GALNT14: variants seen among roughly 807,000 people sequenced by gnomAD.
GALNT14 encodes UDP-GalNAc:polypeptide N-acetylgalactosaminyltransferase 14.
In GALNT14, 60 loss-of-function variants were observed where a neutral mutation model predicts 77.5. The observed-to-expected ratio is 0.77, with a 90% CI of 0.63 to 0.96. The LOEUF (loss-of-function observed/expected upper bound fraction) is 0.96. GALNT14 is among the 40% of genes least tolerant of loss of function. GALNT14 has a pLI of 0.00. For synonymous variants in GALNT14, 280 were observed against 281.7 expected, an observed-to-expected ratio of 0.99 and a Z score of 0.06; for missense variants, 710 against 731.0, an observed-to-expected ratio of 0.97 and a Z score of 0.33.
In GALNT14 at chr2:30,992,911, G is replaced by T. The variant is rs768741133; in HGVS notation, c.226C>A (p.Leu76Met). The T allele has an allele frequency of 8.7e-6, 14 of 1,614,046 alleles. No homozygotes were observed. The highest frequency in any genetic ancestry group is 1.7e-5 in the Admixed American group (1 of 60,000). The change falls in exon 2 of 15, where the codon CTG becomes ATG. Residue 76 changes from leucine (L) to methionine (M), a missense_variant. Coordinates refer to ENST00000349752, the MANE Select transcript of GALNT14 (RefSeq NM_024572.4). ...CTCTCCCGCTGGTTGAAAGCATACA[G>T]CTTATAGGGGTCGTCACCAACGCGC... is the stretch of plus-strand genomic sequence containing the variant. ...KWRVGDDPYK[L>M]YAFNQRESER...
chr2:30,955,582 G>T (rs762813718), intron 6 of GALNT14, 36 bp downstream of exon 6: 1 of 1,603,586 alleles, frequency 6.2e-7, no homozygotes, highest in South Asian at 1.1e-5. Context: ...GAAAGCTGGG[G>T]CACGAGGCCC....
At chr2:31,057,316 T>TAA (rs1191587632) in intron 1 of GALNT14, among the ~76,000 whole-genome samples, 18 of 137,778 alleles carry the variant, frequency 1.3e-4, no homozygotes, top group African/African-American at 4.1e-4. Context: ...TATATATATA[T>TAA]AAAATTATAT....
intron 2 of GALNT14, among the ~76,000 whole-genome samples, chr2:30,972,612 C>A (rs1405932567): frequency 6.6e-6 from 1 of 152,204 alleles, no homozygotes; most frequent in African/African-American, 2.4e-5. Context: ...GGAATTTGAA[C>A]CAGGCCTGCT....
rs866306914 is a variant in GALNT14, at chr2:31,000,475, A to G, written c.130-7468T>C. Among the ~76,000 whole-genome samples the G allele has an allele frequency of 4.4e-4, 38 of 85,456 alleles. 1 individual carries two copies. In the South Asian group the frequency reaches 5.6e-3, roughly 13 times the overall value. 56.1% of individuals were successfully genotyped at this position (85,456 alleles called of 152,430 possible). A position where few individuals can be genotyped will look rare whatever the true frequency, so the allele number is the denominator to read the frequency against. ...TGTGTGTGTGTGTGTGTGTGTGTGTATACACAGAAATTGAGAGGACAGATT... is the reference window on the plus strand; with the variant it reads ...TGTGTGTGTGTGTGTGTGTGTGTGTGTACACAGAAATTGAGAGGACAGATT... On this transcript the variant is annotated intron_variant, in intron 1 of 14. Transcript: ENST00000349752.
intron 13 of GALNT14, among the ~76,000 whole-genome samples, chr2:30,920,572 G>A (rs1044236481): frequency 6.6e-6 from 1 of 151,790 alleles, no homozygotes; most frequent in African/African-American, 2.4e-5. Context: ...TGGGAAGGAG[G>A]AGCGGACACT....
chr2:30,933,001 G>T (rs972988630), intron 9 of GALNT14, among the ~76,000 whole-genome samples: 2 of 152,114 alleles, frequency 1.3e-5, no homozygotes, highest in Non-Finnish European at 2.9e-5. Context: ...AGTTAGCAGA[G>T]GCGGCTGTGG....
the GALNT14 span, among the ~76,000 whole-genome samples, chr2:30,903,752 T>A: frequency 6.6e-6 from 1 of 152,250 alleles, no homozygotes; most frequent in African/African-American, 2.4e-5. Flanking sequence ...AGATGTGTGT[T>A]GCTTTAGGCT....
intron 1 of GALNT14, among the ~76,000 whole-genome samples, chr2:31,095,677 G>A (rs1676965460): frequency 6.6e-6 from 1 of 152,090 alleles, no homozygotes; most frequent in African/African-American, 2.4e-5. Flanking sequence ...TCTTTCCCAG[G>A]CTATTCCCAT....
intron 2 of GALNT14, among the ~76,000 whole-genome samples, chr2:30,971,222 G>T (rs139669027): frequency 0.012 from 1,761 of 152,284 alleles, 126 homozygotes; most frequent in Admixed American, 0.1. Context: ...CAAACAGTGA[G>T]ATCTATTAGG....
At chr2:31,103,453 T>C (rs964510341) in intron 1 of GALNT14, among the ~76,000 whole-genome samples, 2 of 151,350 alleles carry the variant, frequency 1.3e-5, no homozygotes, top group African/African-American at 4.9e-5. Flanking sequence ...TGCACAGAGA[T>C]GTTAACACAA....
chr2:31,057,409 G>GTATA (rs376361271), intron 1 of GALNT14, among the ~76,000 whole-genome samples: 32 of 125,084 alleles, frequency 2.6e-4, no homozygotes, highest in Admixed American at 2.5e-4. Context: ...GCTGTTGCAG[G>GTATA]TATATATATA....
intron 2 of GALNT14, among the ~76,000 whole-genome samples, chr2:30,990,391 G>A (rs1669625963): frequency 6.6e-6 from 1 of 152,234 alleles, no homozygotes; most frequent in Admixed American, 6.5e-5. Context: ...GGACACAGTG[G>A]GGAGGCTGGA....
chr2:30,978,993 T>C (rs529467617), intron 2 of GALNT14, among the ~76,000 whole-genome samples: 121 of 152,254 alleles, frequency 7.9e-4, no homozygotes, highest in African/African-American at 2.8e-3. Context: ...AAGGGCATCC[T>C]GAATAGAGAA....
At chr2:31,057,589 T>G (rs1368075442) in intron 1 of GALNT14, among the ~76,000 whole-genome samples, 4 of 151,676 alleles carry the variant, frequency 2.6e-5, no homozygotes, top group Non-Finnish European at 5.9e-5. Flanking sequence ...GGAGGAACAA[T>G]GATCAGGTGC....
chr2:30,898,062 C>T, the GALNT14 span, among the ~76,000 whole-genome samples: 4 of 152,148 alleles, frequency 2.6e-5, no homozygotes, highest in South Asian at 2.1e-4. Flanking sequence ...TTAAGGAGTG[C>T]AGCCTTGGGG....
chr2:31,019,974 A>T (rs545981280), intron 1 of GALNT14, among the ~76,000 whole-genome samples: 3 of 152,166 alleles, frequency 2.0e-5, no homozygotes, highest in African/African-American at 7.2e-5. Flanking sequence ...AGTCTACCCT[A>T]TGAATATATC....
chr2:31,060,021 C>G (rs1453218757), intron 1 of GALNT14, among the ~76,000 whole-genome samples: 1 of 152,230 alleles, frequency 6.6e-6, no homozygotes, highest in Non-Finnish European at 1.5e-5. Flanking sequence ...ATCTCAATCC[C>G]TTTCCGCTCC....
chr2:30,899,793 G>T, the GALNT14 span, among the ~76,000 whole-genome samples: 1 of 152,206 alleles, frequency 6.6e-6, no homozygotes, highest in Non-Finnish European at 1.5e-5. Context: ...TTTGGAGTCT[G>T]CTAATCCGAG....
intron 1 of GALNT14, among the ~76,000 whole-genome samples, chr2:31,025,278 G>A (rs554893645): frequency 3.2e-4 from 49 of 152,288 alleles, no homozygotes; most frequent in African/African-American, 1.2e-3. Flanking sequence ...CGATCCCATT[G>A]CAAGACACCT....
Sources: gnomAD v4.1 joint callset for allele counts (sites outside exome capture counted in the v4.1 genomes callset) on GRCh38, gnomAD v4.1.1 for gene constraint, MANE v1.5 for transcripts, NCBI Gene and HGNC (gene_info 2026-07-23, HGNC 2026-07-21) for gene names.